BTBD9: variants seen among roughly 807,000 people sequenced by gnomAD.
BTBD9 encodes the protein BTB/POZ domain-containing protein 9.
BTBD9 carries 49 observed loss-of-function variants against 64.3 expected under a neutral mutation model. The ratio of observed to expected loss-of-function variants is 0.76; its 90% confidence interval spans 0.61 to 0.97. The LOEUF (loss-of-function observed/expected upper bound fraction) is 0.97, where lower values mean the gene tolerates loss of function less well. Among genes scored for constraint, BTBD9 ranks in the 50% least tolerant of loss-of-function variants. BTBD9 has a pLI of 0.00. For missense variants in BTBD9, 598 were observed against 762.1 expected, an observed-to-expected ratio of 0.78 and a Z score of 2.53; for synonymous variants, 260 against 274.7, an observed-to-expected ratio of 0.95 and a Z score of 0.53.
At chr6:38,560,950 A>G (rs1323375144) in intron 6 of BTBD9, among the ~76,000 whole-genome samples, 2 of 152,218 alleles carry the variant, frequency 1.3e-5, no homozygotes, top group East Asian at 3.8e-4. Flanking sequence ...TCCATGGTGT[A>G]TATGTACCAC....
At chr6:38,508,217 G>A (rs1772625662) in intron 6 of BTBD9, among the ~76,000 whole-genome samples, 1 of 152,078 alleles carries the variant, frequency 6.6e-6, no homozygotes, top group Non-Finnish European at 1.5e-5. Flanking sequence ...CTATTTAGAT[G>A]TCTTTTTGCC....
rs141549192 is a variant in BTBD9, at chr6:38,177,684, G to A, written c.1642-2502C>T. Among the ~76,000 whole-genome samples the A allele has an allele frequency of 7.9e-5, 12 of 152,304 alleles. No homozygotes were observed. In the East Asian group the frequency reaches 1.9e-3, roughly 24 times the overall value. On this transcript the variant is annotated intron_variant, in intron 10 of 10. Transcript: ENST00000481247. ...GGTGAGCACGTGATAGACATTCCAC[G>A]ACCCGACCTGTCGGTGCCCTGGTTC...
intron 6 of BTBD9, among the ~76,000 whole-genome samples, chr6:38,475,569 A>T (rs1770841653): frequency 6.6e-6 from 1 of 152,104 alleles, no homozygotes; most frequent in Non-Finnish European, 1.5e-5. Flanking sequence ...TCTCTGTCCA[A>T]TTCACTGTTT....
chr6:38,263,145 CA>C (rs1418668508), intron 8 of BTBD9, among the ~76,000 whole-genome samples: 1 of 152,208 alleles, frequency 6.6e-6, no homozygotes, highest in East Asian at 1.9e-4. Flanking sequence ...CTCCTGATCT[CA>C]AAAATGTATA....
At chr6:38,228,189 T>C (rs74574403) in intron 9 of BTBD9, among the ~76,000 whole-genome samples, 7,790 of 151,662 alleles carry the variant, frequency 0.051, 270 homozygotes, top group Non-Finnish European at 0.068. Context: ...TGAGGAAACC[T>C]TGTCTTTACA....
intron 6 of BTBD9, among the ~76,000 whole-genome samples, chr6:38,439,437 G>A (rs1440585328): frequency 6.7e-6 from 1 of 149,654 alleles, no homozygotes; most frequent in African/African-American, 2.5e-5. Context: ...CTGTTTTTTT[G>A]TTTGTTTTTG....
chr6:38,514,324 T>A (rs1772913332), intron 6 of BTBD9, among the ~76,000 whole-genome samples: 1 of 152,248 alleles, frequency 6.6e-6, no homozygotes, highest in African/African-American at 2.4e-5. Flanking sequence ...TATTCTTCTT[T>A]TAATTGTAAA....
chr6:38,438,173 A>G (rs1768827149), intron 6 of BTBD9, among the ~76,000 whole-genome samples: 1 of 140,426 alleles, frequency 7.1e-6, no homozygotes, highest in African/African-American at 2.7e-5. Context: ...AGGAAAAAAA[A>G]AGGAAGGAAG....
chr6:38,403,513 A>C (rs1007971658), intron 6 of BTBD9, among the ~76,000 whole-genome samples: 1 of 152,260 alleles, frequency 6.6e-6, no homozygotes, highest in African/African-American at 2.4e-5. Flanking sequence ...AGGTAAATGC[A>C]AATGAAAACC....
At chr6:38,305,154 TAA>T (rs1419223064) in intron 7 of BTBD9, among the ~76,000 whole-genome samples, 2 of 152,146 alleles carry the variant, frequency 1.3e-5, no homozygotes, top group African/African-American at 4.8e-5. Flanking sequence ...TAGGAAAATC[TAA>T]AAGTTACTGA....
intron 9 of BTBD9, among the ~76,000 whole-genome samples, chr6:38,199,380 C>T (rs1885322): frequency 0.35 from 52,528 of 151,902 alleles, 9,877 homozygotes; most frequent in Non-Finnish European, 0.43. Flanking sequence ...AGATACTGAA[C>T]GACCTTCCCT....
At chr6:38,511,586 G>A (rs1772778158) in intron 6 of BTBD9, among the ~76,000 whole-genome samples, 1 of 151,782 alleles carries the variant, frequency 6.6e-6, no homozygotes, top group East Asian at 2.0e-4. Context: ...CAAGCCAACT[G>A]CCTGCTTGGC....
At chr6:38,480,052 C>T (rs559388065) in intron 6 of BTBD9, among the ~76,000 whole-genome samples, 7 of 152,246 alleles carry the variant, frequency 4.6e-5, no homozygotes, top group East Asian at 1.9e-4. Context: ...TTTAAATAAA[C>T]GCTCTTTTCT....
intron 7 of BTBD9, among the ~76,000 whole-genome samples, chr6:38,337,401 C>A (rs1404424585): frequency 2.6e-5 from 4 of 152,158 alleles, no homozygotes; most frequent in Non-Finnish European, 5.9e-5. Flanking sequence ...CCATAGACAA[C>A]CTATTTCTAT....
At chr6:38,556,256 A>G (rs952330455) in intron 6 of BTBD9, among the ~76,000 whole-genome samples, 1 of 152,148 alleles carries the variant, frequency 6.6e-6, no homozygotes, top group African/African-American at 2.4e-5. Context: ...TCATAGTATA[A>G]ATAGACTAAA....
intron 7 of BTBD9, among the ~76,000 whole-genome samples, chr6:38,340,516 G>A (rs889740833): frequency 1.1e-4 from 16 of 152,124 alleles, no homozygotes; most frequent in Admixed American, 2.0e-4. Flanking sequence ...GATTTCAATC[G>A]TGTTTATTCC....
chr6:38,588,460 A>C, intron 4 of BTBD9: 1 of 826,294 alleles, frequency 1.2e-6, no homozygotes. Context: ...CCCTCCTCCA[A>C]CTGGGCCTAA....
chr6:38,359,717 G>A (rs1409772789), intron 6 of BTBD9, among the ~76,000 whole-genome samples: 2 of 152,120 alleles, frequency 1.3e-5, no homozygotes, highest in Non-Finnish European at 2.9e-5. Context: ...GGAAAGGTGG[G>A]GGAAAGTTGA....
Position 38,471,735 on chromosome 6 carries a change from C to T in BTBD9, c.1154+105865G>A, listed in dbSNP as rs78793875. On this transcript the variant is annotated intron_variant, in intron 6 of 10. Coordinates refer to ENST00000481247, the MANE Select transcript of BTBD9 (RefSeq NM_001099272.2). ...CCACAGAAACTCTTCCAAAGCCCTACACCTTTCATCCCTGAATCGTCTCCT... is the reference window on the plus strand; with the variant it reads ...CCACAGAAACTCTTCCAAAGCCCTATACCTTTCATCCCTGAATCGTCTCCT... Among the ~76,000 whole-genome samples, 787 of 152,276 alleles carry T rather than the reference C, an allele frequency of 5.2e-3. 3 individuals are homozygous for T. The highest frequency in any genetic ancestry group is 0.018 in the African/African-American group (735 of 41,562).
Sources: gnomAD v4.1 joint callset for allele counts (sites outside exome capture counted in the v4.1 genomes callset) on GRCh38, gnomAD v4.1.1 for gene constraint, MANE v1.5 for transcripts, NCBI Gene and HGNC (gene_info 2026-07-23, HGNC 2026-07-21) for gene names.